Variants in SPAG16 observed in about 807,000 individuals in gnomAD.
SPAG16 encodes sperm-associated antigen 16 protein.
A neutral mutation model predicts 80.4 loss-of-function variants in SPAG16; 86 were observed. The ratio of observed to expected loss-of-function variants is 1.07; its 90% confidence interval spans 0.90 to 1.28. The LOEUF is 1.28. SPAG16 is among the 50% of genes most tolerant of loss of function. SPAG16 has a pLI of 0.00. For synonymous variants in SPAG16, 294 were observed against 265.9 expected (o/e 1.11, Z -1.03); for missense variants, 870 against 765.3 (o/e 1.14, Z -1.61).
chr2:213,489,340 G>A (rs2074138346), intron 9 of SPAG16, among the ~76,000 whole-genome samples: 1 of 152,044 alleles, frequency 6.6e-6, no homozygotes, highest in Non-Finnish European at 1.5e-5. Flanking sequence ...GACTGAAAAT[G>A]CTCTTTGATC....
At chr2:213,846,461 T>C (rs1286632714) in intron 10 of SPAG16, among the ~76,000 whole-genome samples, 3 of 152,108 alleles carry the variant, frequency 2.0e-5, no homozygotes, top group African/African-American at 7.2e-5. Context: ...ACTACAGTTT[T>C]TCCGACTCAA....
At chr2:213,925,358 T>C (rs1409754949) in intron 11 of SPAG16, among the ~76,000 whole-genome samples, 4 of 149,510 alleles carry the variant, frequency 2.7e-5, no homozygotes, top group African/African-American at 9.7e-5. Context: ...TTTCTTCCTT[T>C]TTTTTTTTTT....
intron 13 of SPAG16, among the ~76,000 whole-genome samples, chr2:214,047,187 T>C (rs1253506097): frequency 2.0e-5 from 3 of 152,108 alleles, no homozygotes; most frequent in African/African-American, 7.2e-5. Context: ...AAAACAGTCC[T>C]AATATTCATA....
chr2:214,307,630 C>G (rs1254153875), intron 15 of SPAG16, among the ~76,000 whole-genome samples: 2 of 152,136 alleles, frequency 1.3e-5, no homozygotes, highest in Non-Finnish European at 2.9e-5. Flanking sequence ...TTCTTGACTT[C>G]TATCTTAATT....
intron 15 of SPAG16, among the ~76,000 whole-genome samples, chr2:214,390,023 CG>C (rs1166365903): frequency 2.0e-5 from 3 of 152,052 alleles, no homozygotes; most frequent in Non-Finnish European, 2.9e-5. Flanking sequence ...TACTGAAGCC[CG>C]ACACTATGTG....
chr2:214,283,696 T>G (rs1208007812), intron 15 of SPAG16, among the ~76,000 whole-genome samples: 2 of 152,218 alleles, frequency 1.3e-5, no homozygotes, highest in African/African-American at 2.4e-5. Context: ...TCTGCTGATA[T>G]TGGCAGAATT....
At chr2:213,311,055 A>G (rs958083542) in intron 4 of SPAG16, among the ~76,000 whole-genome samples, 3 of 151,730 alleles carry the variant, frequency 2.0e-5, no homozygotes, top group South Asian at 2.1e-4. Flanking sequence ...TTCTGAGAAC[A>G]TGCACATAAG....
chr2:213,712,862 A>G (rs2066060883), intron 10 of SPAG16, among the ~76,000 whole-genome samples: 1 of 152,168 alleles, frequency 6.6e-6, no homozygotes, highest in Non-Finnish European at 1.5e-5. Context: ...ACCTGGTGGC[A>G]GGGCGAGGAG....
chr2:213,987,341 A>G (rs2046063906), intron 12 of SPAG16, among the ~76,000 whole-genome samples: 1 of 152,034 alleles, frequency 6.6e-6, no homozygotes, highest in Non-Finnish European at 1.5e-5. Context: ...GAAGCTCACT[A>G]ACCTGCAGGA....
chr2:214,156,105 A>C (rs16851548), intron 15 of SPAG16, among the ~76,000 whole-genome samples: 18,432 of 152,260 alleles, frequency 0.12, 1,262 homozygotes, highest in South Asian at 0.26. Flanking sequence ...AGTTGACTCA[A>C]AGCTAAGACA....
intron 10 of SPAG16, among the ~76,000 whole-genome samples, chr2:213,677,200 C>T (rs2125244490): frequency 6.6e-6 from 1 of 152,100 alleles, no homozygotes; most frequent in Non-Finnish European, 1.5e-5. Context: ...TAGGAAGAAA[C>T]TGCATCAACT....
At position 213,828,221 on chromosome 2, in the gene SPAG16, T is replaced by C. The variant is rs150133574; in HGVS notation, c.1071-34264T>C. Among the ~76,000 whole-genome samples the C allele has an allele frequency of 2.0e-5, 3 of 152,210 alleles. No individual in the cohort carries two copies. In the East Asian group the frequency reaches 5.8e-4, roughly 29 times the overall value. On this transcript the variant is annotated intron_variant, in intron 10 of 15. Transcript: ENST00000331683. ...CTTATTCTTTTTTATTCTTTCTTCT[T>C]TTGTCTCCTCTGACTGATGTTTTCA...
chr2:213,605,496 AT>A (rs914222883), intron 10 of SPAG16, among the ~76,000 whole-genome samples: 2 of 150,906 alleles, frequency 1.3e-5, no homozygotes, highest in African/African-American at 2.4e-5. Context: ...ACAAAAATAT[AT>A]TTTTTTTTTG....
intron 13 of SPAG16, among the ~76,000 whole-genome samples, chr2:214,036,454 A>G (rs2048702787): frequency 6.6e-6 from 1 of 152,210 alleles, no homozygotes; most frequent in Admixed American, 6.5e-5. Flanking sequence ...CGTTGCTTCT[A>G]GGCATTGTTA....
chr2:213,440,634 A>G (rs1202218257), intron 9 of SPAG16, among the ~76,000 whole-genome samples: 1 of 152,178 alleles, frequency 6.6e-6, no homozygotes, highest in Admixed American at 6.5e-5. Context: ...CCATGCATAC[A>G]TGGTTTATTC....
chr2:213,521,957 G>A (rs17701461), intron 10 of SPAG16, among the ~76,000 whole-genome samples: 2,208 of 152,272 alleles, frequency 0.015, 22 homozygotes, highest in South Asian at 0.036. Context: ...GAGTATCATT[G>A]GAAACCAATA....
At chr2:214,019,072 T>TTATAAAAC (rs2047728498) in intron 13 of SPAG16, among the ~76,000 whole-genome samples, 2 of 98,136 alleles carry the variant, frequency 2.0e-5, no homozygotes, top group Non-Finnish European at 4.5e-5. Context: ...TTCTTCAAAG[T>TTATAAAAC]TGAAGACTAT....
At chr2:213,711,181 C>T (rs562186425) in intron 10 of SPAG16, among the ~76,000 whole-genome samples, 20 of 152,110 alleles carry the variant, frequency 1.3e-4, no homozygotes, top group African/African-American at 4.6e-4. Flanking sequence ...CTTATTGCCT[C>T]AGTCACTCAA....
chr2:213,783,317 TA>T (rs11362970), intron 10 of SPAG16, among the ~76,000 whole-genome samples: 54,130 of 145,648 alleles, frequency 0.37, 9,993 homozygotes, highest in East Asian at 0.54. Context: ...TAGAGTATAA[TA>T]AAAAAAAAAA....
Sources: gnomAD v4.1 joint callset for allele counts (sites outside exome capture counted in the v4.1 genomes callset) on GRCh38, gnomAD v4.1.1 for gene constraint, MANE v1.5 for transcripts, NCBI Gene and HGNC (gene_info 2026-07-23, HGNC 2026-07-21) for gene names.